The following PRKG1 variants were observed in gnomAD, a reference collection of about 807,000 sequenced individuals.
The protein encoded by PRKG1 is protein kinase cGMP-dependent 1, also known as cGMP-dependent protein kinase 1.
PRKG1 carries 35 observed loss-of-function variants against 88.1 expected under a neutral mutation model. The ratio of observed to expected loss-of-function variants is 0.40; its 90% CI spans 0.30 to 0.53. The LOEUF (loss-of-function observed/expected upper bound fraction) is 0.53, where lower values mean the gene tolerates loss of function less well. Ranked by LOEUF, PRKG1 falls within the 20% of genes least tolerant of loss-of-function variation. The pLI is 0.59. For missense variants in PRKG1, 540 were observed against 839.8 expected, an observed-to-expected ratio of 0.64 and a Z score of 4.41; for synonymous variants, 303 against 292.5, an observed-to-expected ratio of 1.04 and a Z score of -0.37.
At chr10:52,066,186 A>G (rs1355432641) in intron 7 of PRKG1, among the ~76,000 whole-genome samples, 1 of 152,142 alleles carries the variant, frequency 6.6e-6, no homozygotes, top group Non-Finnish European at 1.5e-5. Context: ...CTTCTCAGCC[A>G]TGATTTTACA....
At chr10:51,215,319 C>T (rs1194072929) in intron 2 of PRKG1, among the ~76,000 whole-genome samples, 3 of 152,120 alleles carry the variant, frequency 2.0e-5, no homozygotes, top group African/African-American at 7.2e-5. Flanking sequence ...TTAGTCTGTG[C>T]AGTTGGATGA....
chr10:51,462,888 T>C (rs1247960873), intron 2 of PRKG1, among the ~76,000 whole-genome samples: 1 of 152,150 alleles, frequency 6.6e-6, no homozygotes, highest in African/African-American at 2.4e-5. Context: ...GAGGACACGA[T>C]GAAAATTATA....
At chr10:51,974,217 C>A (rs1843774921) in intron 5 of PRKG1, among the ~76,000 whole-genome samples, 1 of 152,108 alleles carries the variant, frequency 6.6e-6, no homozygotes, top group Non-Finnish European at 1.5e-5. Flanking sequence ...TTGCTACCTG[C>A]AAGATTCTGG....
intron 1 of PRKG1, among the ~76,000 whole-genome samples, chr10:51,067,141 A>G (rs1408396151): frequency 1.3e-5 from 2 of 151,954 alleles, no homozygotes; most frequent in African/African-American, 4.8e-5. Context: ...TGGGGGAGAC[A>G]TTCACATCAT....
chr10:51,862,087 A>C (rs12267228), intron 4 of PRKG1, among the ~76,000 whole-genome samples: 1,983 of 152,254 alleles, frequency 0.013, 46 homozygotes, highest in African/African-American at 0.045. Flanking sequence ...CCAAGGTTTG[A>C]GCCCCCAAGA....
chr10:51,949,138 A>G (rs1466564545), intron 5 of PRKG1, among the ~76,000 whole-genome samples: 1 of 152,188 alleles, frequency 6.6e-6, no homozygotes, highest in East Asian at 1.9e-4. Flanking sequence ...GAAGCCTACA[A>G]TTTAATGAAG....
intron 1 of PRKG1, among the ~76,000 whole-genome samples, chr10:51,083,562 C>T (rs1844170484): frequency 6.6e-6 from 1 of 150,614 alleles, no homozygotes; most frequent in South Asian, 2.1e-4. Context: ...AGGCAAACAG[C>T]GTGAGCTCAG....
At chr10:52,098,008 A>G (rs1464128699) in intron 7 of PRKG1, among the ~76,000 whole-genome samples, 1 of 152,136 alleles carries the variant, frequency 6.6e-6, no homozygotes, top group Non-Finnish European at 1.5e-5. Context: ...TTTATCATAT[A>G]GAATGTGAAG....
At position 51,418,801 on chromosome 10, in the gene PRKG1, G is replaced by T. The variant is rs529551870; in HGVS notation, c.479-48922G>T. On this transcript the variant is annotated intron_variant, in intron 2 of 17. Transcript: ENST00000373980. ...ACACTAATGCAATGAATATTTTAGG[G>T]AGCACTATTGGGTAATCTTGTAGGC... Among the ~76,000 whole-genome samples the T allele has an allele frequency of 2.6e-5, 4 of 152,274 alleles. No homozygotes were observed. The South Asian group carries it at 8.3e-4, about 32-fold the overall frequency.
intron 3 of PRKG1, among the ~76,000 whole-genome samples, chr10:51,544,682 A>G (rs1842402539): frequency 6.6e-6 from 1 of 152,182 alleles, no homozygotes; most frequent in Non-Finnish European, 1.5e-5. Context: ...ACAGTGTAAA[A>G]GTGTTCCTAT....
chr10:51,627,303 G>A (rs2132271883), intron 3 of PRKG1, among the ~76,000 whole-genome samples: 1 of 152,254 alleles, frequency 6.6e-6, no homozygotes, highest in Admixed American at 6.5e-5. Context: ...AATGATATTG[G>A]TGAAAGCTTG....
intron 4 of PRKG1, among the ~76,000 whole-genome samples, chr10:51,873,081 A>T (rs139163467): frequency 6.6e-6 from 1 of 152,280 alleles, no homozygotes; most frequent in African/African-American, 2.4e-5. Context: ...AATATCAAAT[A>T]CCTAATTATT....
chr10:51,048,604 G>A (rs1390893016), intron 1 of PRKG1, among the ~76,000 whole-genome samples: 1 of 152,144 alleles, frequency 6.6e-6, no homozygotes, highest in Non-Finnish European at 1.5e-5. Context: ...GGATCTTTCT[G>A]TGGGAAAAGT....
At chr10:52,248,822 TA>T (rs1196597258) in intron 9 of PRKG1, among the ~76,000 whole-genome samples, 3 of 152,110 alleles carry the variant, frequency 2.0e-5, no homozygotes, top group African/African-American at 4.8e-5. Flanking sequence ...AAACATAAAG[TA>T]ACTGCCTTAT....
intron 2 of PRKG1, among the ~76,000 whole-genome samples, chr10:51,265,157 A>G (rs768151989): frequency 2.8e-4 from 43 of 152,148 alleles, no homozygotes; most frequent in Non-Finnish European, 5.7e-4. Context: ...GAATAAGTAC[A>G]TGTTTTTCCA....
chr10:51,210,809 G>A (rs1385935247), intron 2 of PRKG1, among the ~76,000 whole-genome samples: 1 of 152,148 alleles, frequency 6.6e-6, no homozygotes, highest in Non-Finnish European at 1.5e-5. Flanking sequence ...GTCTGAAATT[G>A]AGGCAATAAT....
At position 51,003,990 on chromosome 10, in the gene PRKG1, A is replaced by G. The variant is rs74133927; in HGVS notation, c.266+12346A>G. Among the ~76,000 whole-genome samples the G allele has an allele frequency of 2.7e-3, 415 of 152,284 alleles. 1 individual carries two copies. The highest frequency in any genetic ancestry group is 8.7e-3 in the African/African-American group (362 of 41,562). ...TTGGCAAGTTTTTTGCAAGCATTCAATGCTGCAATTGATATTGTACACATT... is the reference window on the plus strand; with the variant it reads ...TTGGCAAGTTTTTTGCAAGCATTCAGTGCTGCAATTGATATTGTACACATT... On this transcript the variant is annotated intron_variant, in intron 1 of 17. Coordinates refer to the PRKG1 transcript ENST00000401604.
intron 2 of PRKG1, among the ~76,000 whole-genome samples, chr10:51,452,595 A>G (rs1279190143): frequency 6.6e-6 from 1 of 151,992 alleles, no homozygotes; most frequent in African/African-American, 2.4e-5. Context: ...TAATACATTT[A>G]TTGACTTGCG....
At chr10:51,018,257 C>T (rs986224891) in intron 1 of PRKG1, among the ~76,000 whole-genome samples, 4 of 152,230 alleles carry the variant, frequency 2.6e-5, no homozygotes, top group Admixed American at 6.5e-5. Context: ...AATTCTAGGT[C>T]GGCTTTTTTC....
Sources: allele counts gnomAD v4.1 joint callset (sites outside exome capture counted in the v4.1 genomes callset), GRCh38; gene constraint gnomAD v4.1.1; transcripts MANE v1.5; gene names NCBI Gene and HGNC (gene_info 2026-07-23, HGNC 2026-07-21).